The following NDRG1 variants were observed in gnomAD, a reference collection of about 807,000 sequenced individuals.
The protein encoded by NDRG1 is N-myc downstream regulated 1, also known as protein NDRG1.
In NDRG1, 32 loss-of-function variants were observed where a neutral mutation model predicts 56.9. That is an observed-to-expected ratio of 0.56 (90% CI 0.42 to 0.76). NDRG1 has a LOEUF of 0.76. Among genes scored for constraint, NDRG1 ranks in the 30% least tolerant of loss-of-function variants. The pLI is 0.00. For missense variants in NDRG1, 507 were observed against 545.7 expected (o/e 0.93, Z 0.71); for synonymous variants, 211 against 204.1 (o/e 1.03, Z -0.29).
intron 2 of NDRG1, among the ~76,000 whole-genome samples, chr8:133,283,190 A>G (rs1040751474): frequency 1.3e-5 from 2 of 152,384 alleles, no homozygotes; most frequent in Middle Eastern, 3.4e-3. Flanking sequence ...CCTCCTCTAC[A>G]AAATGAGTAC....
At chr8:133,260,189 G>A (rs775582755) in intron 5 of NDRG1, among the ~76,000 whole-genome samples, 30 of 152,204 alleles carry the variant, frequency 2.0e-4, no homozygotes, top group Non-Finnish European at 2.2e-4. Context: ...GGTGTGAGGC[G>A]AGGAAGCAGC....
rs115276770 is a variant in NDRG1, at chr8:133,266,657, C to T, written c.100-2005G>A. On this transcript the variant is annotated intron_variant, in intron 3 of 15. Coordinates refer to ENST00000323851, the MANE Select transcript of NDRG1 (RefSeq NM_006096.4). ...TCCACACCCGCTGGTGATCGGATTCCACCTCTGCTACTTCTTACCCCTGAT... is the reference window on the plus strand; with the variant it reads ...TCCACACCCGCTGGTGATCGGATTCTACCTCTGCTACTTCTTACCCCTGAT... Among the ~76,000 whole-genome samples the T allele has an allele frequency of 6.0e-3, 912 of 152,330 alleles. 6 individuals are homozygous for T. The highest frequency in any genetic ancestry group is 0.02 in the African/African-American group (831 of 41,566).
At position 133,287,111 on chromosome 8, in the gene NDRG1, TTTTTTGCAGGAGC is replaced by T. The variant is rs375121905; in HGVS notation, c.-18-2795_-18-2783del. ...CCTCAACCAAAAAACTTTTCAAACT[TTTTTTGCAGGAGC>T]TTTTATCCAAAGGAAATCATGTAAG... is the stretch of plus-strand genomic sequence containing the variant. On this transcript the variant is annotated intron_variant, in intron 1 of 15. Coordinates refer to ENST00000323851, the MANE Select transcript of NDRG1 (RefSeq NM_006096.4). Among the ~76,000 whole-genome samples, 619 of 152,286 alleles carry T rather than the reference TTTTTTGCAGGAGC, an allele frequency of 4.1e-3. 3 individuals carry two copies. Among genetic ancestry groups the T allele is most frequent in the African/African-American group, 0.014 (596 of 41,558 alleles).
At chr8:133,257,955 G>C (rs964335718) in intron 7 of NDRG1, among the ~76,000 whole-genome samples, 4 of 152,136 alleles carry the variant, frequency 2.6e-5, no homozygotes, top group African/African-American at 9.7e-5. Flanking sequence ...CTCTTGACCT[G>C]AGCCCAGAGA....
chr8:133,256,755 G>A (rs769416370), intron 8 of NDRG1, 22 bp downstream of exon 8: 1 of 1,612,668 alleles, frequency 6.2e-7, no homozygotes, highest in East Asian at 2.2e-5. Context: ...GATCCCGCCG[G>A]CCTGACAGGC....
chr8:133,239,926 C>T (rs1391814875), intron 15 of NDRG1: 1 of 152,254 alleles, frequency 6.6e-6, no homozygotes, highest in Non-Finnish European at 1.5e-5. Flanking sequence ...TGAGAGGGAA[C>T]CCTAAACCCA....
intron 3 of NDRG1, among the ~76,000 whole-genome samples, chr8:133,269,562 G>A (rs1050818848): frequency 5.9e-5 from 9 of 152,362 alleles, no homozygotes; most frequent in Admixed American, 5.2e-4. Context: ...GAGGCTGAGA[G>A]AGATTAAGGA....
rs191169469 is a variant in NDRG1 at position 133,272,013 on chromosome 8, T to C, written c.100-7361A>G. ...GAGATAACAGAATTAAGATTCAAGA[T>C]AGATAGGTCCTTGGGCTTCCAAAGC... On this transcript the variant is annotated intron_variant, in intron 3 of 15. Transcript: ENST00000323851. 8.5e-5 allele frequency among the ~76,000 whole-genome samples: 13 copies of C among 152,220 alleles called. No homozygotes were observed. The East Asian group carries it at 1.9e-3, about 23-fold the overall frequency.
At chr8:133,243,143 C>G (rs58736213) in intron 14 of NDRG1, among the ~76,000 whole-genome samples, 7 of 152,330 alleles carry the variant, frequency 4.6e-5, no homozygotes, top group East Asian at 1.9e-4. Flanking sequence ...GGCTGACCCC[C>G]CTCCCTGCTC....
intron 1 of NDRG1, among the ~76,000 whole-genome samples, chr8:133,291,792 C>T (rs1308335373): frequency 6.6e-6 from 1 of 152,186 alleles, no homozygotes; most frequent in East Asian, 1.9e-4. Flanking sequence ...AAAGGGATCA[C>T]TAAGAAGGTG....
intron 3 of NDRG1, among the ~76,000 whole-genome samples, chr8:133,276,898 C>A (rs898452039): frequency 2.6e-5 from 4 of 152,202 alleles, no homozygotes; most frequent in Non-Finnish European, 5.9e-5. Flanking sequence ...ATGTTCACAG[C>A]AGCAGTATTC....
chr8:133,238,715 C>A lies in NDRG1; in HGVS notation c.*163G>T. On this transcript the variant is annotated 3_prime_UTR_variant, in exon 16 of 16. Coordinates refer to ENST00000323851, the MANE Select transcript of NDRG1 (RefSeq NM_006096.4). ...ACCCCGCCTTTGGAGAGGGCACCCA[C>A]GTAATAGACCTCATTTGTCTCCACC... 1 of 882,002 alleles carries A rather than the reference C, an allele frequency of 1.1e-6. No individual in the cohort carries two copies. Among genetic ancestry groups the A allele is most frequent in the Non-Finnish European group, 1.7e-6 (1 of 595,954 alleles). 54.6% of individuals were successfully genotyped at this position (882,002 alleles called of 1,614,324 possible).
chr8:133,258,662 G>A (rs1440088103), intron 6 of NDRG1, among the ~76,000 whole-genome samples: 2 of 152,228 alleles, frequency 1.3e-5, no homozygotes, highest in Non-Finnish European at 1.5e-5. Flanking sequence ...GGCTCTGAGA[G>A]ACCGTCTGAC....
At chr8:133,246,805 A>T (rs1855709744) in intron 12 of NDRG1, 142 bp from the exon 13 acceptor site, 1 of 800,202 alleles carries the variant, frequency 1.2e-6, no homozygotes, top group Non-Finnish European at 2.1e-6. Context: ...AGTTATTGGG[A>T]TTCAGCAGAT....
At chr8:133,248,624 G>C in intron 11 of NDRG1, 91 bp downstream of exon 11, 1 of 1,415,310 alleles carries the variant, frequency 7.1e-7, no homozygotes, top group Non-Finnish European at 1.0e-6. Flanking sequence ...ACAATGTCCT[G>C]CCACACTCAG....
At position 133,264,535 on chromosome 8, in the gene NDRG1, C is replaced by T; in HGVS notation, c.205+12G>A. The T allele has an allele frequency of 6.2e-7, 1 of 1,613,544 alleles. No individual in the cohort carries two copies. Among genetic ancestry groups the T allele is most frequent in the Non-Finnish European group, 8.5e-7 (1 of 1,179,428 alleles). ...ACCGGCTGACAGGGAATCAGAGCTC[C>T]TCAGAACTTACGGTTCATGCCGATG... On this transcript the variant is annotated intron_variant, in intron 4 of 15. Transcript: ENST00000323851.
At chr8:133,282,870 C>G (rs933343685) in intron 2 of NDRG1, among the ~76,000 whole-genome samples, 1 of 152,206 alleles carries the variant, frequency 6.6e-6, no homozygotes, top group Non-Finnish European at 1.5e-5. Flanking sequence ...CATCTGTAGC[C>G]TCCCCAGGCT....
chr8:133,270,160 T>TA (rs1292188068), intron 3 of NDRG1, among the ~76,000 whole-genome samples: 1 of 152,332 alleles, frequency 6.6e-6, no homozygotes, highest in Non-Finnish European at 1.5e-5. Flanking sequence ...AGGGTACACT[T>TA]AGAGATTTAC....
At chr8:133,241,651 C>G in intron 15 of NDRG1, 1 of 349,912 alleles carries the variant, frequency 2.9e-6, no homozygotes, top group African/African-American at 2.1e-5. Flanking sequence ...TCATCATCAT[C>G]GACACCATCT....
Sources: gnomAD v4.1 joint callset for allele counts (sites outside exome capture counted in the v4.1 genomes callset) on GRCh38, gnomAD v4.1.1 for gene constraint, MANE v1.5 for transcripts, NCBI Gene and HGNC (gene_info 2026-07-23, HGNC 2026-07-21) for gene names.